ZNF202: variants seen among roughly 807,000 people sequenced by gnomAD.
ZNF202 encodes the protein zinc finger protein with KRAB and SCAN domains 10.
In ZNF202, 22 loss-of-function variants were observed where a neutral mutation model predicts 54.5. That is an observed-to-expected ratio of 0.40 (90% CI 0.29 to 0.58). The LOEUF is 0.58. Among genes scored for constraint, ZNF202 ranks in the 20% least tolerant of loss-of-function variants. The pLI, the probability that ZNF202 is intolerant of heterozygous loss-of-function variation, is 0.39. For missense variants in ZNF202, 644 were observed against 805.5 expected (o/e 0.80, Z 2.43); for synonymous variants, 294 against 301.4 (o/e 0.98, Z 0.26).
intron 6 of ZNF202, 38 bp downstream of exon 6, chr11:123,729,088 A>G (rs1330815296): frequency 3.7e-6 from 6 of 1,607,800 alleles, no homozygotes; most frequent in Middle Eastern, 1.7e-4. Flanking sequence ...TGGTTCTTCA[A>G]ACAAATTCTC....
chr11:123,728,518 C>G (rs960360880), intron 6 of ZNF202, among the ~76,000 whole-genome samples: 8 of 152,152 alleles, frequency 5.3e-5, no homozygotes, highest in African/African-American at 1.9e-4. Flanking sequence ...TAGGAAAGGT[C>G]TTAAAAATCA....
chr11:123,737,838 T>C (rs751636591), intron 3 of ZNF202, among the ~76,000 whole-genome samples: 3 of 152,182 alleles, frequency 2.0e-5, no homozygotes, highest in Middle Eastern at 3.4e-3. Flanking sequence ...TCATGTTGAG[T>C]CTTGGGATGA....
chr11:123,735,612 C>A (rs1189202777), intron 3 of ZNF202, among the ~76,000 whole-genome samples: 3 of 152,078 alleles, frequency 2.0e-5, no homozygotes, highest in Admixed American at 2.0e-4. Context: ...ATGCCCCGGC[C>A]CCAGATCCCC....
chr11:123,740,379 T>A (rs1861810582), intron 2 of ZNF202, 38 bp downstream of exon 2: 1 of 152,322 alleles, frequency 6.6e-6, no homozygotes, highest in East Asian at 1.9e-4. Flanking sequence ...TTCACACGCT[T>A]CCCACCAACA....
intron 3 of ZNF202, among the ~76,000 whole-genome samples, chr11:123,736,861 A>G (rs888986386): frequency 6.6e-6 from 1 of 152,234 alleles, no homozygotes; most frequent in African/African-American, 2.4e-5. Flanking sequence ...AGAGTCTGGC[A>G]TAGGGTAGGT....
At position 123,725,283 on chromosome 11, in the gene ZNF202, A is replaced by T. The variant is rs1386209068; in HGVS notation, c.*714T>A. 1 of 152,212 alleles carries T rather than the reference A, an allele frequency of 6.6e-6. No homozygotes were observed. The highest frequency in any genetic ancestry group is 2.4e-5 in the African/African-American group (1 of 41,446). 9.4% of individuals were successfully genotyped at this position (152,212 alleles called of 1,614,324 possible). A position where few individuals can be genotyped will look rare whatever the true frequency, so the allele number is the denominator to read the frequency against. On this transcript the variant is annotated 3_prime_UTR_variant, in exon 9 of 9. Transcript: ENST00000530393. Reference sequence around the variant, plus strand: ...TATTAAAAACAAAACCAAAACTCGTATGGAAAGAGGCTTCTGACTAGGCCC... The same window carrying T: ...TATTAAAAACAAAACCAAAACTCGTTTGGAAAGAGGCTTCTGACTAGGCCC...
chr11:123,731,925 A>AT (rs971499121), intron 3 of ZNF202, among the ~76,000 whole-genome samples: 3 of 152,056 alleles, frequency 2.0e-5, no homozygotes, highest in Admixed American at 2.0e-4. Context: ...CCCCCAATCT[A>AT]TTTTTCAAGC....
Position 123,727,372 on chromosome 11 carries a change from A to G in ZNF202, c.952+104T>C, listed in dbSNP as rs1432061863. 4 of 1,492,158 alleles carry G rather than the reference A, an allele frequency of 2.7e-6. No homozygotes were observed. The Admixed American group carries it at 5.7e-5, about 21-fold the overall frequency. 92.4% of individuals were successfully genotyped at this position (1,492,158 alleles called of 1,614,324 possible). Reference sequence around the variant, plus strand: ...GAGGGAGAAAGCAGTACTGGCTGACATGTTAGAAGAACTGATGAGAGCGGG... The same window carrying G: ...GAGGGAGAAAGCAGTACTGGCTGACGTGTTAGAAGAACTGATGAGAGCGGG... On this transcript the variant is annotated intron_variant, in intron 8 of 8. Transcript: ENST00000530393.
chr11:123,729,335 C>G (rs1861298586), intron 5 of ZNF202, 121 bp from the exon 6 acceptor site: 2 of 1,035,056 alleles, frequency 1.9e-6, no homozygotes, highest in South Asian at 2.9e-5. Context: ...TTATGGGAAC[C>G]AAGAAACTGG....
In ZNF202 at chr11:123,726,279, G is replaced by A; in HGVS notation, c.1665C>T (p.His555=). The change falls in exon 9 of 9, where the codon CAC becomes CAT. Residue 555 remains histidine (H), a synonymous_variant. Transcript: ENST00000530393. The surrounding 1 kb of genome is among the most constrained non-coding windows in gnomAD (Gnocchi z 6.0). The part of the protein sequence containing the change: ...DFSEHRRYLA[H]RKTHAAEELY... ...GTTCCTCAGCAGCGTGCGTCTTCCG[G>A]TGCGCCAGGTACCGCCTGTGTTCAC... The A allele has an allele frequency of 4.3e-6, 7 of 1,614,220 alleles. No homozygotes were observed. Among genetic ancestry groups the A allele is most frequent in the Non-Finnish European group, 5.9e-6 (7 of 1,180,046 alleles).
intron 3 of ZNF202, among the ~76,000 whole-genome samples, chr11:123,736,834 T>C (rs1438635046): frequency 2.0e-5 from 3 of 152,176 alleles, no homozygotes; most frequent in South Asian, 2.1e-4. Context: ...AAATAACCTA[T>C]AGAAACCCTT....
At position 123,726,855 on chromosome 11, in the gene ZNF202, A is replaced by G; in HGVS notation, c.1089T>C (p.Gly363=). 1 of 1,614,182 alleles carries G rather than the reference A, an allele frequency of 6.2e-7. No homozygotes were observed. Among genetic ancestry groups the G allele is most frequent in the South Asian group, 1.1e-5 (1 of 91,080 alleles). The change falls in exon 9 of 9, where the codon GGT becomes GGC. Residue 363 remains glycine (G), a synonymous_variant. Transcript: ENST00000530393. This position sits in a 1 kb window ranked among gnomAD's most constrained non-coding sequence, Gnocchi z 6.0. ...TACCAAATCTTCTTTCATTAAGTCTACCTGGATTGTCCTCAAAGACTATTT... is the reference window on the plus strand; with the variant it reads ...TACCAAATCTTCTTTCATTAAGTCTGCCTGGATTGTCCTCAAAGACTATTT... The part of the protein sequence containing the change: ...DWEIVFEDNP[G]RLNERRFGTN...
chr11:123,737,704 T>C (rs529527593), intron 3 of ZNF202, among the ~76,000 whole-genome samples: 1 of 152,140 alleles, frequency 6.6e-6, no homozygotes, highest in East Asian at 1.9e-4. Flanking sequence ...TTTTGATGGT[T>C]ATATATGGCA....
chr11:123,726,495 A>G lies in ZNF202; in HGVS notation c.1449T>C (p.Cys483=), dbSNP rs772541556. The change falls in exon 9 of 9, where the codon TGT becomes TGC. Residue 483 remains cysteine, a synonymous_variant. Transcript: ENST00000530393. The surrounding 1 kb of genome is among the most constrained non-coding windows in gnomAD (Gnocchi z 6.0). ...AGCGGAAGTGCTTTCCGCAATCATC[A>G]CATCTATAGGGTTTCTCCACTGATG... ...RTPSVEKPYR[C]DDCGKHFRWT... 1.2e-6 allele frequency: 2 copies of G among 1,614,172 alleles called. No homozygotes were observed. The highest frequency in any genetic ancestry group is 1.7e-6 in the Non-Finnish European group (2 of 1,180,008).
At chr11:123,727,637 C>T (rs189227034) in intron 7 of ZNF202, 42 bp from the exon 8 acceptor site, 2 of 1,612,134 alleles carry the variant, frequency 1.2e-6, no homozygotes, top group East Asian at 2.2e-5. Context: ...ATTGGCTCAA[C>T]AATTCCCTGT....
At chr11:123,741,115 A>G (rs1021436141) in intron 1 of ZNF202, among the ~76,000 whole-genome samples, 2 of 151,988 alleles carry the variant, frequency 1.3e-5, no homozygotes, top group Non-Finnish European at 2.9e-5. Context: ...GAGCCCGCGG[A>G]GATGATCTTA....
chr11:123,730,038 T>C lies in ZNF202; in HGVS notation c.403-213A>G, dbSNP rs1861337858. Among the ~76,000 whole-genome samples the C allele has an allele frequency of 2.0e-5, 3 of 152,098 alleles. No individual in the cohort carries two copies. The highest frequency in any genetic ancestry group is 1.3e-4 in the Admixed American group (2 of 15,288). Reference sequence around the variant, plus strand: ...GGGGATGCGCAGGCCTGCACTGCTCTCTCACCACCCCCAGCCTGGGCCCCT... The same window carrying C: ...GGGGATGCGCAGGCCTGCACTGCTCCCTCACCACCCCCAGCCTGGGCCCCT... On this transcript the variant is annotated intron_variant, in intron 4 of 8. Coordinates refer to ENST00000530393, the MANE Select transcript of ZNF202 (RefSeq NM_003455.4). This position sits in a 1 kb window ranked among gnomAD's most constrained non-coding sequence, Gnocchi z 6.0.
rs951438351 is a variant in ZNF202 at position 123,730,257 on chromosome 11, CT to C, written c.402+229del. ...AGAAGGGAAAACCAAAGCCATGACC[CT>C]TTGGTGGCTGAGACCCCTCAGATGG... On this transcript the variant is annotated intron_variant, in intron 4 of 8. Coordinates refer to ENST00000530393, the MANE Select transcript of ZNF202 (RefSeq NM_003455.4). The surrounding 1 kb of genome is among the most constrained non-coding windows in gnomAD (Gnocchi z 6.0). 1.3e-5 allele frequency among the ~76,000 whole-genome samples: 2 copies of C among 152,180 alleles called. No individual in the cohort carries two copies. Among genetic ancestry groups the C allele is most frequent in the Non-Finnish European group, 2.9e-5 (2 of 68,026 alleles).
chr11:123,736,629 T>C (rs1261843696), intron 3 of ZNF202, among the ~76,000 whole-genome samples: 1 of 152,206 alleles, frequency 6.6e-6, no homozygotes, highest in Non-Finnish European at 1.5e-5. Flanking sequence ...TATTCTTGAT[T>C]GTCCTATATA....
Sources: allele counts gnomAD v4.1 joint callset (sites outside exome capture counted in the v4.1 genomes callset), GRCh38; gene constraint gnomAD v4.1.1; non-coding constraint Gnocchi (gnomAD v3.1); transcripts MANE v1.5; gene names NCBI Gene and HGNC (gene_info 2026-07-23, HGNC 2026-07-21).